The following ZFPM2 variants were observed in gnomAD, a reference collection of about 807,000 sequenced individuals.
ZFPM2 encodes the protein zinc finger protein ZFPM2.
ZFPM2 carries 20 observed loss-of-function variants against 98.6 expected under a neutral mutation model. That is an observed-to-expected ratio of 0.20 (90% CI 0.14 to 0.29). ZFPM2 has a LOEUF of 0.29. Among genes scored for constraint, ZFPM2 ranks in the 10% least tolerant of loss-of-function variants. The pLI is 1.00. For synonymous variants in ZFPM2, 518 were observed against 502.7 expected (o/e 1.03, Z -0.41); for missense variants, 1,310 against 1,388.6 (o/e 0.94, Z 0.90).
chr8:105,495,160 T>A (rs1813435503), intron 3 of ZFPM2, among the ~76,000 whole-genome samples: 1 of 152,204 alleles, frequency 6.6e-6, no homozygotes, highest in African/African-American at 2.4e-5. Context: ...TATCAAAGCC[T>A]TGAACATCTT....
At chr8:105,789,656 C>T (rs1813537948) in intron 6 of ZFPM2, among the ~76,000 whole-genome samples, 1 of 151,966 alleles carries the variant, frequency 6.6e-6, no homozygotes, top group Non-Finnish European at 1.5e-5. Context: ...TGAGGAATCG[C>T]CACACTGACT....
At chr8:105,747,069 G>A (rs749053260) in intron 5 of ZFPM2, among the ~76,000 whole-genome samples, 4 of 151,878 alleles carry the variant, frequency 2.6e-5, no homozygotes, top group Non-Finnish European at 4.4e-5. Context: ...TAAACACAAG[G>A]AAATATAATG....
At chr8:105,632,102 G>A (rs1258029120) in intron 4 of ZFPM2, among the ~76,000 whole-genome samples, 7 of 152,046 alleles carry the variant, frequency 4.6e-5, no homozygotes, top group East Asian at 3.9e-4. Context: ...TCCTTCCTCC[G>A]ACTTGTTCTG....
chr8:105,393,383 T>TTTCTTTCTTTCA (rs1454845609), intron 1 of ZFPM2, among the ~76,000 whole-genome samples: 10 of 149,398 alleles, frequency 6.7e-5, no homozygotes, highest in African/African-American at 2.5e-4. Context: ...TCTTTCTTTC[T>TTTCTTTCTTTCA]TTCTTTCTTC....
At chr8:105,406,677 C>T (rs767458078) in intron 1 of ZFPM2, among the ~76,000 whole-genome samples, 7 of 152,058 alleles carry the variant, frequency 4.6e-5, no homozygotes, top group African/African-American at 7.2e-5. Context: ...GGATGGCAGA[C>T]TGAAAGTGCT....
At chr8:105,503,627 A>G (rs1466942281) in intron 3 of ZFPM2, among the ~76,000 whole-genome samples, 2 of 152,198 alleles carry the variant, frequency 1.3e-5, no homozygotes, top group African/African-American at 4.8e-5. Flanking sequence ...GATATTATTA[A>G]TGAACTAACC....
chr8:105,765,987 C>T (rs960561630), intron 5 of ZFPM2, among the ~76,000 whole-genome samples: 4 of 151,896 alleles, frequency 2.6e-5, no homozygotes, highest in African/African-American at 9.7e-5. Flanking sequence ...TAAAATCTCG[C>T]TGGTTAAACT....
chr8:105,768,085 CCT>C (rs139124537), intron 5 of ZFPM2, among the ~76,000 whole-genome samples: 123 of 146,416 alleles, frequency 8.4e-4, no homozygotes, highest in Non-Finnish European at 7.6e-4. Context: ...AACACATATT[CCT>C]CTCTCTCTCT....
chr8:105,706,192 A>G (rs1391981425), intron 5 of ZFPM2, among the ~76,000 whole-genome samples: 1 of 152,150 alleles, frequency 6.6e-6, no homozygotes, highest in East Asian at 1.9e-4. Flanking sequence ...ATCAACTGCT[A>G]TATTGCTTTT....
chr8:105,459,244 C>A (rs537593394), intron 3 of ZFPM2, among the ~76,000 whole-genome samples: 1 of 152,176 alleles, frequency 6.6e-6, no homozygotes, highest in Admixed American at 6.5e-5. Flanking sequence ...TTATGTTGCC[C>A]CAGCTGAGTA....
intron 2 of ZFPM2, among the ~76,000 whole-genome samples, chr8:105,427,802 C>T (rs1811944650): frequency 6.6e-6 from 1 of 152,192 alleles, no homozygotes; most frequent in African/African-American, 2.4e-5. Flanking sequence ...ATGCAGATTG[C>T]TGTTTCAGCT....
At chr8:105,628,669 CT>C (rs1392651139) in intron 4 of ZFPM2, among the ~76,000 whole-genome samples, 1 of 152,192 alleles carries the variant, frequency 6.6e-6, no homozygotes, top group African/African-American at 2.4e-5. Context: ...GGAGAAGAAT[CT>C]GGCCAGAGAC....
intron 5 of ZFPM2, among the ~76,000 whole-genome samples, chr8:105,779,125 G>T (rs1813184370): frequency 6.6e-6 from 1 of 152,044 alleles, no homozygotes. Context: ...ATTTCCTTTT[G>T]TATTGTTAGT....
At chr8:105,702,459 T>C (rs1357578771) in intron 5 of ZFPM2, among the ~76,000 whole-genome samples, 7 of 152,242 alleles carry the variant, frequency 4.6e-5, no homozygotes, top group Non-Finnish European at 8.8e-5. Flanking sequence ...CTGTGTCATT[T>C]GGTAGCTTTT....
intron 1 of ZFPM2, among the ~76,000 whole-genome samples, chr8:105,396,759 CA>C (rs1372568528): frequency 6.6e-6 from 1 of 152,012 alleles, no homozygotes; most frequent in African/African-American, 2.4e-5. Flanking sequence ...TAGGGTCTAA[CA>C]AAATACAAAT....
intron 6 of ZFPM2, among the ~76,000 whole-genome samples, chr8:105,794,604 T>G (rs1390930870): frequency 2.0e-5 from 3 of 152,216 alleles, no homozygotes; most frequent in African/African-American, 4.8e-5. Flanking sequence ...CACTGCTCTC[T>G]TCAAAGCTGT....
chr8:105,800,724 C>T (rs1241214167), intron 7 of ZFPM2, among the ~76,000 whole-genome samples: 2 of 152,094 alleles, frequency 1.3e-5, no homozygotes, highest in African/African-American at 4.8e-5. Context: ...TTAGGCATGG[C>T]TTCATCACTT....
intron 1 of ZFPM2, among the ~76,000 whole-genome samples, chr8:105,410,138 T>G (rs1009417790): frequency 5.9e-5 from 9 of 151,778 alleles, no homozygotes; most frequent in Non-Finnish European, 8.8e-5. Flanking sequence ...CAAATTGTAT[T>G]AATTTAGAAG....
At chr8:105,670,849 T>A (rs541318691) in intron 5 of ZFPM2, among the ~76,000 whole-genome samples, 47 of 152,336 alleles carry the variant, frequency 3.1e-4, no homozygotes, top group African/African-American at 1.1e-3. Context: ...AGCTAGAGAT[T>A]GTATTTATTA....
Sources: gnomAD v4.1 joint callset for allele counts (sites outside exome capture counted in the v4.1 genomes callset) on GRCh38, gnomAD v4.1.1 for gene constraint, MANE v1.5 for transcripts, NCBI Gene and HGNC (gene_info 2026-07-23, HGNC 2026-07-21) for gene names.